Variants in TTN observed in about 807,000 individuals in gnomAD.
TTN encodes the protein connectin.
Under a neutral mutation model 3,223.0 loss-of-function variants are expected in TTN, and 1,525 were observed. The observed-to-expected ratio is 0.47, with a 90% CI of 0.45 to 0.49. TTN has a LOEUF of 0.49. Among genes scored for constraint, TTN ranks in the 20% least tolerant of loss-of-function variants. The pLI, the probability that TTN is intolerant of heterozygous loss-of-function variation, is 0.00. For missense variants in TTN, 40,786 were observed against 43,424.0 expected, an observed-to-expected ratio of 0.94 and a Z score of 5.40; for synonymous variants, 14,094 against 15,161.0, an observed-to-expected ratio of 0.93 and a Z score of 5.17.
chr2:178,769,004 G>C (rs1017424381), intron 37 of TTN, 71 bp from the exon 38 acceptor site: 100 of 1,572,398 alleles, frequency 6.4e-5, no homozygotes, highest in Non-Finnish European at 8.1e-5. Context: ...AACAGGTGCA[G>C]AATAAAAATT....
chr2:178,739,070 A>G, intron 48 of TTN, 71 bp downstream of exon 48: 1 of 1,433,690 alleles, frequency 7.0e-7, no homozygotes, highest in South Asian at 1.7e-5. Flanking sequence ...TGAAAATTTA[A>G]GTGATGCAAG....
At chr2:178,789,185 A>T (rs1480408064) in intron 13 of TTN, among the ~76,000 whole-genome samples, 175 bp downstream of exon 13, 1 of 152,118 alleles carries the variant, frequency 6.6e-6, no homozygotes, top group Non-Finnish European at 1.5e-5. Context: ...AACAATAATA[A>T]ATTTTTTTAG....
rs10204913 is a variant in TTN, at chr2:178,663,608, T to C, written c.36532+19A>G. ...CAGAAGAGATACATCATCTGAAGCC[T>C]AAAATCAGTGACAAATACCTTTAAC... On this transcript the variant is annotated intron_variant, in intron 171 of 362. Coordinates refer to ENST00000589042, the MANE Select transcript of TTN (RefSeq NM_001267550.2). 59,490 of 1,613,782 alleles carry C rather than the reference T, an allele frequency of 0.037. 2,793 individuals are homozygous for C. Among genetic ancestry groups the C allele is most frequent in the Admixed American group, 0.17 (10,302 of 59,960 alleles).
In TTN at chr2:178,564,720, C is replaced by A. The variant is rs1336363874; in HGVS notation, c.81412G>T (p.Asp27138Tyr). The change falls in exon 326 of 363, where the codon GAT (aspartate) becomes TAT (tyrosine). Residue 27138 changes from aspartate (D) to tyrosine (Y), a missense_variant. Transcript: ENST00000589042. ...TTGAACTCATACTCAAGGCCCTCAT[C>A]AAGCCCAGTTGTTTTGAATTTGGTG... ...QDTKFKTTGL[D>Y]EGLEYEFKVS... 6.2e-7 allele frequency: 1 copy of A among 1,613,320 alleles called. No homozygotes were observed. The highest frequency in any genetic ancestry group is 8.5e-7 in the Non-Finnish European group (1 of 1,179,596).
chr2:178,592,330 C>T, intron 301 of TTN, 49 bp downstream of exon 301: 1 of 1,597,570 alleles, frequency 6.3e-7, no homozygotes, highest in Non-Finnish European at 8.5e-7. Flanking sequence ...TATAAGAGCT[C>T]AAAATTATCA....
chr2:178,545,337 G>C, intron 344 of TTN, 51 bp downstream of exon 344: 1 of 1,476,560 alleles, frequency 6.8e-7, no homozygotes, highest in Non-Finnish European at 9.0e-7. Context: ...AAAATTATCT[G>C]TCATATAGTT....
rs1285368467 is a variant in TTN, at chr2:178,735,635, A to G, written c.14811T>C (p.Cys4937=). 2 of 1,613,738 alleles carry G rather than the reference A, an allele frequency of 1.2e-6. No individual in the cohort carries two copies. The highest frequency in any genetic ancestry group is 3.3e-5 in the Admixed American group (2 of 60,002). ...CAAGTGTTGCTATTTTATCTTCAAA[A>G]CAGATCTTATAATCTTTCCCTGGGG... The part of the protein sequence containing the change: ...KLPPGKDYKI[C]FEDKIATLEI... The change falls in exon 50 of 363, where the codon TGT becomes TGC. Residue 4937 remains cysteine, a synonymous_variant. Coordinates refer to ENST00000589042, the MANE Select transcript of TTN (RefSeq NM_001267550.2).
chr2:178,543,185 G>T lies in TTN; in HGVS notation c.96788C>A (p.Thr32263Asn). The change falls in exon 347 of 363, where the codon ACT (threonine) becomes AAT (asparagine). Residue 32263 changes from threonine (T) to asparagine (N), a missense_variant. By Grantham distance (65) the Thr-to-Asn change is moderately conservative (BLOSUM62 0). Coordinates refer to ENST00000589042, the MANE Select transcript of TTN (RefSeq NM_001267550.2). ...TTCACCTTCATTTAAGGAAGTAACAGTGTGCTCTAGGACTGTGGGTTTTAA... is the reference window on the plus strand; with the variant it reads ...TTCACCTTCATTTAAGGAAGTAACATTGTGCTCTAGGACTGTGGGTTTTAA... The part of the protein sequence containing the change: ...VTLKPTVLEH[T>N]VTSLNEGEQY... 1 of 1,613,626 alleles carries T rather than the reference G, an allele frequency of 6.2e-7. No individual in the cohort carries two copies. Among genetic ancestry groups the T allele is most frequent in the Non-Finnish European group, 8.5e-7 (1 of 1,179,696 alleles).
chr2:178,536,981 G>A lies in TTN; in HGVS notation c.100128C>T (p.Asp33376=). 1.2e-6 allele frequency: 2 copies of A among 1,613,314 alleles called. No homozygotes were observed. The highest frequency in any genetic ancestry group is 1.7e-6 in the Non-Finnish European group (2 of 1,179,576). ...VSAQNTFGIS[D]PLEVSSVVII... is the part of the protein sequence containing the mutation. ...TCACAACTGAGGACACTTCTAGAGG[G>A]TCACTGATGCCGAAAGTGTTCTGAG... Residue 33376 remains aspartate, a synonymous_variant, in exon 356 of 363, where the codon GAC becomes GAT. Transcript: ENST00000589042.
In TTN at chr2:178,591,580, C is replaced by T. The variant is rs761682576; in HGVS notation, c.60220+19G>A. 5.0e-6 allele frequency: 8 copies of T among 1,607,990 alleles called. No homozygotes were observed. The highest frequency in any genetic ancestry group is 1.3e-5 in the African/African-American group (1 of 74,514). ...AATTTTAAAAAGAAATAAGGTAATACTGCTAGTCCAAAAATTACCTAGTTT... is the reference window on the plus strand; with the variant it reads ...AATTTTAAAAAGAAATAAGGTAATATTGCTAGTCCAAAAATTACCTAGTTT... On this transcript the variant is annotated intron_variant, in intron 303 of 362. Coordinates refer to ENST00000589042, the MANE Select transcript of TTN (RefSeq NM_001267550.2).
At position 178,729,703 on chromosome 2, in the gene TTN, C is replaced by T. The variant is rs72648947; in HGVS notation, c.18550G>A (p.Ala6184Thr). The change falls in exon 63 of 363, where the codon GCA (alanine) becomes ACA (threonine). Residue 6184 changes from alanine to threonine, a missense_variant. Transcript: ENST00000589042. Reference protein sequence around the residue: ...GTYVCEARNDAGTASCSIELK... With the variant: ...GTYVCEARNDTGTASCSIELK... ...TCAATGCTGCAGCTCGCCGTGCCTG[C>T]GTCATTTCGAGCTTCACACACATAA... 596 of 1,613,708 alleles carry T rather than the reference C, an allele frequency of 3.7e-4. 2 individuals carry two copies. The highest frequency in any genetic ancestry group is 3.6e-3 in the Middle Eastern group (22 of 6,054).
intron 71 of TTN, 85 bp from the exon 72 acceptor site, chr2:178,724,623 C>T: frequency 7.2e-7 from 1 of 1,383,136 alleles, no homozygotes; most frequent in South Asian, 1.9e-5. Context: ...TTGTTTCTCC[C>T]AGTGAGATGG....
chr2:178,578,196 C>A lies in TTN; in HGVS notation c.68330-11G>T. 6.2e-7 allele frequency: 1 copy of A among 1,606,030 alleles called. No homozygotes were observed. Among genetic ancestry groups the A allele is most frequent in the East Asian group, 2.2e-5 (1 of 44,730 alleles). On this transcript the variant is annotated splice_polypyrimidine_tract_variant and intron_variant, in intron 321 of 362. Transcript: ENST00000589042. ...ACTCGAGATGATACCCTACAAAAGA[C>A]CCAGGGATGTATCAAGTATAAATGC...
intron 111 of TTN, among the ~76,000 whole-genome samples, chr2:178,700,044 C>T (rs1260399584): frequency 1.3e-5 from 2 of 152,146 alleles, no homozygotes; most frequent in Non-Finnish European, 2.9e-5. Flanking sequence ...CATTATTTAA[C>T]TTCTCAAGTT....
chr2:178,534,127 TC>T lies in TTN; in HGVS notation c.102487del (p.Asp34163IlefsTer6). 1 of 1,613,950 alleles carries T rather than the reference TC, an allele frequency of 6.2e-7. No homozygotes were observed. The highest frequency in any genetic ancestry group is 8.5e-7 in the Non-Finnish European group (1 of 1,179,858). The stretch of plus-strand genomic sequence containing the variant: ...GTACCAAGTCACTTGGGTAGACTGA[TC>T]ATAATTTTCAATTTTGCATACATAT... The part of the protein sequence containing the change: ...VKYVCKIENY[D>X]QSTQVTWYFG... On this transcript the variant is annotated frameshift_variant, in exon 358 of 363. Transcript: ENST00000589042. LOFTEE classifies it high-confidence loss of function.
chr2:178,576,665 T>C lies in TTN; in HGVS notation c.69579A>G (p.Pro23193=), dbSNP rs878854329. ...TTACTTTGCACCTGAGATCGGAAAC[T>C]GGTGTTTTTATTGCTCTCACCCATC... The part of the protein sequence containing the change: ...SLRWVRAIKT[P]VSDLRCKVTG... The change falls in exon 325 of 363, where the codon CCA becomes CCG. Residue 23193 remains proline (P), a synonymous_variant. Coordinates refer to ENST00000589042, the MANE Select transcript of TTN (RefSeq NM_001267550.2). This position sits in a 1 kb window ranked among gnomAD's most constrained non-coding sequence, Gnocchi z 4.3. 1.2e-6 allele frequency: 2 copies of C among 1,613,462 alleles called. No homozygotes were observed. Among genetic ancestry groups the C allele is most frequent in the African/African-American group, 2.7e-5 (2 of 74,890 alleles).
chr2:178,590,587 G>T lies in TTN; in HGVS notation c.61138C>A (p.Leu20380Met), dbSNP rs201167216. 1.9e-4 allele frequency: 300 copies of T among 1,612,630 alleles called. 1 individual carries two copies. The African/African-American group carries it at 3.5e-3, about 19-fold the overall frequency. ...GCTGTTTCTCTGCTCTTGTCTTTCA[G>T]TTTAGGATTAATAGGTGGTCCAGGT... Reference protein sequence around the residue: ...KPPGPPINPKLKDKSRETADL... With the variant: ...KPPGPPINPKMKDKSRETADL... The change falls in exon 304 of 363, where the codon CTG becomes ATG. Residue 20380 changes from leucine to methionine, a missense_variant. By Grantham distance (15) the Leu-to-Met change is conservative. Transcript: ENST00000589042.
chr2:178,751,968 T>C (rs762345462), intron 47 of TTN: 1 of 1,590,420 alleles, frequency 6.3e-7, no homozygotes, highest in Admixed American at 1.9e-5. Flanking sequence ...TTGTGGTCTA[T>C]GTCTTCAGAA....
chr2:178,637,416 G>C lies in TTN; in HGVS notation c.40880C>G (p.Ala13627Gly). 1 of 1,475,524 alleles carries C rather than the reference G, an allele frequency of 6.8e-7. No homozygotes were observed. Among genetic ancestry groups the C allele is most frequent in the African/African-American group, 1.5e-5 (1 of 68,576 alleles). The allele number at this position is 1,475,524 out of a possible 1,614,324, so 91.4% of individuals were successfully genotyped here. The change falls in exon 224 of 363, where the codon GCC becomes GGC. Residue 13627 changes from alanine (A) to glycine (G), a missense_variant. Transcript: ENST00000589042. Reference protein sequence around the residue: ...TVPVVGKKAEAKAPKEEAAKP... With the variant: ...TVPVVGKKAEGKAPKEEAAKP... ...GGCAGCCTCTTCCTTAGGTGCTTTGGCTTCTGAAATAAAAATAAAACTCAG... is the reference window on the plus strand; with the variant it reads ...GGCAGCCTCTTCCTTAGGTGCTTTGCCTTCTGAAATAAAAATAAAACTCAG...
Sources: allele counts gnomAD v4.1 joint callset (sites outside exome capture counted in the v4.1 genomes callset), GRCh38; gene constraint gnomAD v4.1.1; non-coding constraint Gnocchi (gnomAD v3.1); transcripts MANE v1.5; gene names NCBI Gene and HGNC (gene_info 2026-07-23, HGNC 2026-07-21).